Variants in PIP5K1B observed in about 807,000 individuals in gnomAD.
PIP5K1B encodes phosphatidylinositol-4-phosphate 5-kinase type 1 beta, also known as phosphatidylinositol 4-phosphate 5-kinase type-1 beta.
Under a neutral mutation model 67.0 loss-of-function variants are expected in PIP5K1B, and 42 were observed. That is an observed-to-expected ratio of 0.63 (90% confidence interval 0.49 to 0.81). PIP5K1B has a LOEUF of 0.81. Ranked by LOEUF, PIP5K1B falls within the 30% of genes least tolerant of loss-of-function variation. The pLI is 0.00. For synonymous variants in PIP5K1B, 214 were observed against 231.4 expected (o/e 0.92, Z 0.68); for missense variants, 459 against 646.3 (o/e 0.71, Z 3.14).
At chr9:69,007,934 C>T (rs1831166095) in intron 15 of PIP5K1B, among the ~76,000 whole-genome samples, 1 of 152,098 alleles carries the variant, frequency 6.6e-6, no homozygotes, top group Non-Finnish European at 1.5e-5. Context: ...ATTGCTTTCC[C>T]CACATATATC....
rs1451880191 is a variant in PIP5K1B at position 68,705,303 on chromosome 9, G to GCGC, written c.-698_-696dup. ...GGGAACCCGCGCCCGAGCCCGGCGG[G>GCGC]CGCCGCTGCTGCTCCTCTCGGTCCC... is the stretch of plus-strand genomic sequence containing the variant. On this transcript the variant is annotated 5_prime_UTR_variant, in exon 1 of 16. Transcript: ENST00000265382. 1 of 151,434 alleles carries GCGC rather than the reference G, an allele frequency of 6.6e-6. No homozygotes were observed. The highest frequency in any genetic ancestry group is 6.6e-5 in the Admixed American group (1 of 15,214). The allele number at this position is 151,434 out of a possible 1,614,324, so 9.4% of individuals were successfully genotyped here. A position where few individuals can be genotyped will look rare whatever the true frequency, so the allele number is the denominator to read the frequency against.
chr9:68,859,995 G>A (rs773994968), intron 4 of PIP5K1B, among the ~76,000 whole-genome samples: 11 of 152,064 alleles, frequency 7.2e-5, no homozygotes, highest in Non-Finnish European at 1.2e-4. Context: ...AAATGGCTCT[G>A]TTGAGTTAGT....
chr9:68,855,726 A>G (rs966204111), intron 4 of PIP5K1B, among the ~76,000 whole-genome samples: 5 of 152,154 alleles, frequency 3.3e-5, no homozygotes, highest in African/African-American at 1.2e-4. Flanking sequence ...TCTCTATATG[A>G]ACCACTACAA....
chr9:68,994,102 G>A (rs1013815343), intron 15 of PIP5K1B, among the ~76,000 whole-genome samples: 4 of 145,512 alleles, frequency 2.7e-5, no homozygotes, highest in African/African-American at 7.7e-5. Flanking sequence ...GTGCAGTGGC[G>A]CGATCTCGAC....
intron 7 of PIP5K1B, among the ~76,000 whole-genome samples, chr9:68,893,337 T>TTTC: frequency 7.3e-6 from 1 of 137,138 alleles, no homozygotes; most frequent in East Asian, 2.0e-4. Context: ...TTTTTTCTTT[T>TTTC]TTTTTTTTTT....
At chr9:68,706,177 G>C (rs946575390) in intron 1 of PIP5K1B, 2 of 152,360 alleles carry the variant, frequency 1.3e-5, no homozygotes, top group Non-Finnish European at 2.9e-5. Context: ...AGGGGCTTGC[G>C]AGTTGGTGTT....
chr9:68,724,940 G>A (rs1383359134), intron 1 of PIP5K1B, among the ~76,000 whole-genome samples: 1 of 152,020 alleles, frequency 6.6e-6, no homozygotes, highest in Non-Finnish European at 1.5e-5. Context: ...ATCAGTTGAT[G>A]TACCTCAAAC....
intron 2 of PIP5K1B, chr9:68,781,204 C>A: frequency 1.3e-6 from 1 of 773,260 alleles, no homozygotes; most frequent in Non-Finnish European, 2.1e-6. Flanking sequence ...CCTTTGGATA[C>A]CCTTGAATTC....
At chr9:68,721,674 C>G (rs371494191) in intron 1 of PIP5K1B, among the ~76,000 whole-genome samples, 12 of 152,088 alleles carry the variant, frequency 7.9e-5, no homozygotes, top group African/African-American at 2.9e-4. Context: ...TGTGGGAGAG[C>G]ATGAGATCGA....
intron 8 of PIP5K1B, among the ~76,000 whole-genome samples, chr9:68,908,605 A>C (rs1474537241): frequency 6.6e-6 from 1 of 152,182 alleles, no homozygotes; most frequent in African/African-American, 2.4e-5. Context: ...TTTTCTCATT[A>C]TGACATTAGC....
At chr9:68,900,083 G>A (rs1825285057) in intron 8 of PIP5K1B, among the ~76,000 whole-genome samples, 2 of 152,196 alleles carry the variant, frequency 1.3e-5, no homozygotes, top group Non-Finnish European at 2.9e-5. Context: ...CCATGTTGCT[G>A]CAAAGGACAT....
Position 68,780,918 on chromosome 9 carries a change from G to A in PIP5K1B, c.-85-37543G>A, listed in dbSNP as rs200554338. On this transcript the variant is annotated intron_variant, in intron 2 of 15. Coordinates refer to ENST00000265382, the MANE Select transcript of PIP5K1B (RefSeq NM_003558.4). Reference sequence around the variant, plus strand: ...CCTTGATGGAAACAGCAGCAGTGCCGGATCTTCTTGTAACTCACCAGCGAA... The same window carrying A: ...CCTTGATGGAAACAGCAGCAGTGCCAGATCTTCTTGTAACTCACCAGCGAA... 6.5e-4 allele frequency: 1,045 copies of A among 1,614,140 alleles called. 6 individuals carry two copies. The highest frequency in any genetic ancestry group is 3.0e-3 in the Middle Eastern group (18 of 6,062).
chr9:68,880,171 A>G (rs1455361226), intron 6 of PIP5K1B, among the ~76,000 whole-genome samples: 3 of 152,218 alleles, frequency 2.0e-5, no homozygotes, highest in African/African-American at 7.2e-5. Flanking sequence ...ATCATGAATG[A>G]GTTGTCCATG....
intron 2 of PIP5K1B, among the ~76,000 whole-genome samples, chr9:68,768,425 G>A (rs1830534727): frequency 6.6e-6 from 1 of 152,110 alleles, no homozygotes; most frequent in African/African-American, 2.4e-5. Context: ...CAGAAGTTGG[G>A]TATACATAAA....
intron 14 of PIP5K1B, among the ~76,000 whole-genome samples, chr9:68,946,722 C>T (rs1038421143): frequency 1.3e-5 from 2 of 152,146 alleles, no homozygotes; most frequent in Admixed American, 6.5e-5. Context: ...AATCTGCTGA[C>T]TCCTGCCTTG....
intron 13 of PIP5K1B, among the ~76,000 whole-genome samples, chr9:68,939,215 C>T (rs1827431752): frequency 6.6e-6 from 1 of 152,182 alleles, no homozygotes; most frequent in South Asian, 2.1e-4. Context: ...AAGAACTGCT[C>T]CTCATGGGTT....
chr9:68,958,033 C>T (rs1019559220), intron 14 of PIP5K1B, among the ~76,000 whole-genome samples: 12 of 152,014 alleles, frequency 7.9e-5, no homozygotes, highest in South Asian at 2.1e-4. Flanking sequence ...CCACCATGCC[C>T]GGCTAATTTT....
At chr9:68,862,457 A>G (rs1403468341) in intron 4 of PIP5K1B, among the ~76,000 whole-genome samples, 1 of 152,164 alleles carries the variant, frequency 6.6e-6, no homozygotes, top group Admixed American at 6.5e-5. Context: ...AGCAAATACA[A>G]TATGAGAGGT....
intron 1 of PIP5K1B, among the ~76,000 whole-genome samples, chr9:68,733,752 G>T (rs1287980198): frequency 6.9e-6 from 1 of 145,826 alleles, no homozygotes; most frequent in Non-Finnish European, 1.5e-5. Flanking sequence ...CAATTCTCCT[G>T]CGTCAGCCAC....
Sources: allele counts gnomAD v4.1 joint callset (sites outside exome capture counted in the v4.1 genomes callset), GRCh38; gene constraint gnomAD v4.1.1; transcripts MANE v1.5; gene names NCBI Gene and HGNC (gene_info 2026-07-23, HGNC 2026-07-21).